C12orf42: variants seen among roughly 807,000 people sequenced by gnomAD.
C12orf42 encodes the protein uncharacterized protein C12orf42.
Under a neutral mutation model 21.6 loss-of-function variants are expected in C12orf42, and 25 were observed. The observed-to-expected ratio is 1.16, with a 90% CI of 0.84 to 1.62. The LOEUF (loss-of-function observed/expected upper bound fraction) is 1.62. Among genes scored for constraint, C12orf42 ranks in the 40% most tolerant of loss-of-function variants. The pLI, the probability that C12orf42 is intolerant of heterozygous loss-of-function variation, is 0.00. For synonymous variants in C12orf42, 174 were observed against 175.0 expected, an observed-to-expected ratio of 0.99 and a Z score of 0.05; for missense variants, 483 against 459.3, an observed-to-expected ratio of 1.05 and a Z score of -0.47.
At chr12:103,339,417 C>A (rs1042476207) in intron 4 of C12orf42, among the ~76,000 whole-genome samples, 4 of 152,176 alleles carry the variant, frequency 2.6e-5, no homozygotes, top group Admixed American at 2.6e-4. Context: ...TCCATGTATT[C>A]TCATCATTTA....
intron 1 of C12orf42, among the ~76,000 whole-genome samples, chr12:103,484,653 T>C (rs1396868412): frequency 6.6e-6 from 1 of 152,152 alleles, no homozygotes; most frequent in Non-Finnish European, 1.5e-5. Context: ...GCAGAAGCTC[T>C]TTAGTTTAAT....
At chr12:103,430,780 G>A (rs1263549685) in intron 2 of C12orf42, among the ~76,000 whole-genome samples, 2 of 152,158 alleles carry the variant, frequency 1.3e-5, no homozygotes, top group Non-Finnish European at 2.9e-5. Context: ...ATACTATGCA[G>A]CCACAAAAAG....
At chr12:103,327,645 T>C (rs1382249092) in intron 4 of C12orf42, among the ~76,000 whole-genome samples, 1 of 152,228 alleles carries the variant, frequency 6.6e-6, no homozygotes, top group African/African-American at 2.4e-5. Context: ...TAAAACATTT[T>C]GATTCTCTGG....
chr12:103,338,541 T>C (rs2137184972), intron 4 of C12orf42, among the ~76,000 whole-genome samples: 1 of 152,388 alleles, frequency 6.6e-6, no homozygotes, highest in Admixed American at 6.5e-5. Context: ...CTTGCAATTC[T>C]TGCAGTGCAT....
chr12:103,262,658 T>C (rs2034955392), intron 10 of C12orf42, among the ~76,000 whole-genome samples: 1 of 152,200 alleles, frequency 6.6e-6, no homozygotes, highest in South Asian at 2.1e-4. Context: ...AAACAACAGA[T>C]GCTGGAGAGG....
intron 1 of C12orf42, among the ~76,000 whole-genome samples, chr12:103,481,680 C>A (rs1373092177): frequency 2.0e-5 from 3 of 151,552 alleles, no homozygotes; most frequent in Non-Finnish European, 3.0e-5. Context: ...CGTCTGACAA[C>A]CTTAACTAAG....
chr12:103,468,651 G>A (rs1592942664), intron 2 of C12orf42, among the ~76,000 whole-genome samples: 2 of 151,828 alleles, frequency 1.3e-5, no homozygotes, highest in East Asian at 3.9e-4. Context: ...CCCATTTCAA[G>A]TGCCCACAAA....
chr12:103,259,112 CAG>C (rs1222984275), intron 10 of C12orf42, among the ~76,000 whole-genome samples: 1 of 152,144 alleles, frequency 6.6e-6, no homozygotes, highest in Non-Finnish European at 1.5e-5. Flanking sequence ...AACCTAGAAA[CAG>C]AACCACATAA....
In C12orf42 at chr12:103,436,409, T is replaced by C. The variant is rs561536598; in HGVS notation, c.79-34734A>G. Among the ~76,000 whole-genome samples, 257 of 151,796 alleles carry C rather than the reference T, an allele frequency of 1.7e-3. 1 individual carries two copies. Among genetic ancestry groups the C allele is most frequent in the African/African-American group, 5.9e-3 (244 of 41,376 alleles). On this transcript the variant is annotated intron_variant, in intron 2 of 5. Coordinates refer to ENST00000548883, the MANE Select transcript of C12orf42 (RefSeq NM_198521.5). ...CAAATTCACACATAAAAATATTAAC[T>C]TTAAATGTAAATGGACTAAATGCTC...
Position 103,361,485 on chromosome 12 carries a change from G to A in C12orf42, c.259+7402C>T, listed in dbSNP as rs528624330. On this transcript the variant is annotated intron_variant, in intron 4 of 5. Coordinates refer to ENST00000548883, the MANE Select transcript of C12orf42 (RefSeq NM_198521.5). ...CACAGGGAGAAGGAAACCTCCAGCT[G>A]AACTTTGTAGCAATTCCAACCCAAT... is the stretch of plus-strand genomic sequence containing the variant. Among the ~76,000 whole-genome samples the A allele has an allele frequency of 1.2e-3, 186 of 152,134 alleles. 2 individuals carry two copies. Among genetic ancestry groups the A allele is most frequent in the African/African-American group, 4.2e-3 (175 of 41,524 alleles).
chr12:103,263,011 A>G (rs919310033), intron 10 of C12orf42, among the ~76,000 whole-genome samples: 1 of 152,198 alleles, frequency 6.6e-6, no homozygotes, highest in Non-Finnish European at 1.5e-5. Flanking sequence ...AGGGATACGG[A>G]TGAAGCTGGA....
At chr12:103,346,450 A>G (rs1465620447) in intron 4 of C12orf42, among the ~76,000 whole-genome samples, 1 of 152,206 alleles carries the variant, frequency 6.6e-6, no homozygotes, top group Non-Finnish European at 1.5e-5. Flanking sequence ...TTTATGGTAT[A>G]CAATATGAGG....
In C12orf42 at chr12:103,396,043, T is replaced by C. The variant is rs558612779; in HGVS notation, c.147+5564A>G. Among the ~76,000 whole-genome samples the C allele has an allele frequency of 1.7e-4, 25 of 148,912 alleles. 1 individual carries two copies. The highest frequency in any genetic ancestry group is 3.1e-4 in the Non-Finnish European group (21 of 67,398). ...GTTATAACATAATATATATACTATATATAATATACATATATCAACTATTAT... is the reference window on the plus strand; with the variant it reads ...GTTATAACATAATATATATACTATACATAATATACATATATCAACTATTAT... On this transcript the variant is annotated intron_variant, in intron 3 of 5. Coordinates refer to ENST00000548883, the MANE Select transcript of C12orf42 (RefSeq NM_198521.5).
chr12:103,276,536 C>A (rs2035782487), intron 5 of C12orf42, among the ~76,000 whole-genome samples: 1 of 152,158 alleles, frequency 6.6e-6, no homozygotes, highest in African/African-American at 2.4e-5. Flanking sequence ...TGTGGTTCTG[C>A]CATTGTGCTT....
chr12:103,118,209 G>C, the C12orf42 span, among the ~76,000 whole-genome samples: 1 of 152,154 alleles, frequency 6.6e-6, no homozygotes, highest in Non-Finnish European at 1.5e-5. Context: ...CTGGAGAACA[G>C]GCACCATGAC....
intron 4 of C12orf42, among the ~76,000 whole-genome samples, chr12:103,318,085 T>C (rs2039700407): frequency 6.6e-6 from 1 of 152,120 alleles, no homozygotes; most frequent in African/African-American, 2.4e-5. Flanking sequence ...GTTCATTGCT[T>C]GAGGCCAGCC....
chr12:103,298,931 A>C (rs2037476341), downstream of C12orf42, among the ~76,000 whole-genome samples: 1 of 152,226 alleles, frequency 6.6e-6, no homozygotes, highest in South Asian at 2.1e-4. Flanking sequence ...TGTTTGTCAA[A>C]GAGTTCAAAC....
the C12orf42 span, among the ~76,000 whole-genome samples, chr12:103,153,809 G>A: frequency 7.2e-5 from 11 of 151,974 alleles, no homozygotes. Context: ...TACTAACTGT[G>A]TGCCTAACAG....
intron 2 of C12orf42, among the ~76,000 whole-genome samples, chr12:103,414,151 T>A (rs1314654931): frequency 6.6e-6 from 1 of 152,182 alleles, no homozygotes; most frequent in East Asian, 1.9e-4. Context: ...ATATCTATTT[T>A]TTTTTATTTT....
Sources: gnomAD v4.1 joint callset for allele counts (sites outside exome capture counted in the v4.1 genomes callset) on GRCh38, gnomAD v4.1.1 for gene constraint, MANE v1.5 for transcripts, NCBI Gene and HGNC (gene_info 2026-07-23, HGNC 2026-07-21) for gene names.